Variants in KIR3DL3 observed in about 807,000 individuals in gnomAD.
The protein encoded by KIR3DL3 is killer cell immunoglobulin-like receptor 3DL3.
In KIR3DL3, 27 loss-of-function variants were observed where a neutral mutation model predicts 34.9. The ratio of observed to expected loss-of-function variants is 0.77; its 90% CI spans 0.57 to 1.07. KIR3DL3 has a LOEUF of 1.07. Ranked by LOEUF, KIR3DL3 falls within the 50% of genes least tolerant of loss-of-function variation. KIR3DL3 has a pLI of 0.00. For synonymous variants in KIR3DL3, 217 were observed against 200.2 expected, an observed-to-expected ratio of 1.08 and a Z score of -0.71; for missense variants, 681 against 528.5, an observed-to-expected ratio of 1.29 and a Z score of -2.83.
At chr19:54,732,295 G>A (rs1272344878) in intron 5 of KIR3DL3, among the ~76,000 whole-genome samples, 4 of 150,674 alleles carry the variant, frequency 2.7e-5, no homozygotes, top group African/African-American at 9.8e-5. Context: ...CTGTTCCACA[G>A]GCTGGAGTGC....
rs1386449102 is a variant in KIR3DL3 at position 54,727,558 on chromosome 19, T to C, written c.356-53T>C. 4.5e-6 allele frequency: 7 copies of C among 1,548,948 alleles called. No homozygotes were observed. The African/African-American group carries it at 8.4e-5, about 19-fold the overall frequency. On this transcript the variant is annotated intron_variant, in intron 3 of 7. Transcript: ENST00000291860. ...GAAGCCTCACTTATTTCAGGTCCCATGAATGGGATGAGAAAGGGAGACGCC... is the reference window on the plus strand; with the variant it reads ...GAAGCCTCACTTATTTCAGGTCCCACGAATGGGATGAGAAAGGGAGACGCC...
intron 5 of KIR3DL3, among the ~76,000 whole-genome samples, chr19:54,731,937 C>T (rs796356323): frequency 1.3e-5 from 2 of 152,132 alleles, no homozygotes; most frequent in East Asian, 1.9e-4. Flanking sequence ...AATCATCCAG[C>T]GTACCCTCTT....
At chr19:54,734,088 G>C (rs2146863481) in intron 5 of KIR3DL3, among the ~76,000 whole-genome samples, 1 of 152,206 alleles carries the variant, frequency 6.6e-6, no homozygotes, top group Admixed American at 6.5e-5. Flanking sequence ...TTTCATGGCT[G>C]TTTGATTTAA....
At chr19:54,726,951 C>T (rs2068249807) in intron 3 of KIR3DL3, among the ~76,000 whole-genome samples, 1 of 124,858 alleles carries the variant, frequency 8.0e-6, no homozygotes, top group East Asian at 2.2e-4. Flanking sequence ...TGACAATTTT[C>T]TCCAGCAGCA....
chr19:54,727,082 A>G (rs2093348683), intron 3 of KIR3DL3, among the ~76,000 whole-genome samples: 1 of 137,510 alleles, frequency 7.3e-6, no homozygotes, highest in African/African-American at 2.7e-5. Flanking sequence ...CTCGATCCAC[A>G]TAGGGAGGGG....
intron 5 of KIR3DL3, among the ~76,000 whole-genome samples, chr19:54,730,965 TC>T (rs1468060280): frequency 6.6e-6 from 1 of 152,152 alleles, no homozygotes; most frequent in Admixed American, 6.6e-5. Context: ...AATTGCTAGA[TC>T]CTCTGGAAGT....
chr19:54,732,724 G>A (rs1231769112), intron 5 of KIR3DL3, among the ~76,000 whole-genome samples: 1 of 149,632 alleles, frequency 6.7e-6, no homozygotes, highest in Admixed American at 6.7e-5. Flanking sequence ...AAGGCACAAA[G>A]GTGGAAACAT....
intron 5 of KIR3DL3, among the ~76,000 whole-genome samples, chr19:54,733,698 TG>T (rs2069091607): frequency 1.3e-5 from 2 of 152,198 alleles, no homozygotes; most frequent in African/African-American, 4.8e-5. Flanking sequence ...TGGGATCATA[TG>T]GAAAATGTGA....
At chr19:54,730,609 T>C (rs1230701045) in intron 5 of KIR3DL3, among the ~76,000 whole-genome samples, 2 of 152,000 alleles carry the variant, frequency 1.3e-5, no homozygotes, top group Admixed American at 1.3e-4. Flanking sequence ...ATTCTTTTTT[T>C]TTTACCCTCC....
At position 54,727,686 on chromosome 19, in the gene KIR3DL3, G is replaced by A. The variant is rs1473263348; in HGVS notation, c.431G>A (p.Cys144Tyr). The change falls in exon 4 of 8, where the codon TGT (cysteine) becomes TAT (tyrosine). Residue 144 changes from cysteine to tyrosine, a missense_variant. Coordinates refer to ENST00000291860, the MANE Select transcript of KIR3DL3 (RefSeq NM_153443.5). ...VKSGETVILQ[C>Y]WSDVRFERFL... ...TCAGGAGAGACGGTCATCCTGCAAT[G>A]TTGGTCAGATGTCAGGTTTGAGCGC... 1.9e-6 allele frequency: 3 copies of A among 1,612,760 alleles called. No individual in the cohort carries two copies. The highest frequency in any genetic ancestry group is 4.5e-5 in the East Asian group (2 of 44,674).
chr19:54,725,441 C>T (rs944913763), intron 2 of KIR3DL3, among the ~76,000 whole-genome samples, 159 bp downstream of exon 2: 6 of 152,076 alleles, frequency 3.9e-5, no homozygotes, highest in Admixed American at 1.3e-4. Flanking sequence ...GGGGAAGCTT[C>T]GCCACAGTTC....
chr19:54,732,059 G>C (rs1349177991), intron 5 of KIR3DL3, among the ~76,000 whole-genome samples: 5 of 152,088 alleles, frequency 3.3e-5, no homozygotes, highest in African/African-American at 1.2e-4. Flanking sequence ...CATTTTGGGG[G>C]TGGGGCAGCA....
At position 54,726,180 on chromosome 19, in the gene KIR3DL3, G is replaced by A; in HGVS notation, c.198G>A (p.Met66Ile). Residue 66 changes from methionine to isoleucine, a missense_variant, in exon 3 of 8, where the codon ATG becomes ATA. By Grantham distance (10) the Met-to-Ile change is conservative. Transcript: ENST00000291860. ...TCAGTCTGTCCAAAGAAGACGGGAT[G>A]CCTGTCCCTGAGCTCTACAACAGAA... The part of the protein sequence containing the change: ...NEFSLSKEDG[M>I]PVPELYNRIF... The A allele has an allele frequency of 6.2e-7, 1 of 1,613,590 alleles. No homozygotes were observed. Among genetic ancestry groups the A allele is most frequent in the Non-Finnish European group, 8.5e-7 (1 of 1,179,870 alleles).
chr19:54,734,181 G>A (rs2146865391), intron 5 of KIR3DL3, among the ~76,000 whole-genome samples: 1 of 151,586 alleles, frequency 6.6e-6, no homozygotes, highest in South Asian at 2.1e-4. Flanking sequence ...AGTCAAGAGG[G>A]TTGTGGTGGT....
At chr19:54,729,249 T>A (rs2068533194) in intron 4 of KIR3DL3, among the ~76,000 whole-genome samples, 1 of 149,946 alleles carries the variant, frequency 6.7e-6, no homozygotes, top group Non-Finnish European at 1.5e-5. Context: ...CCAAGGAGGG[T>A]CAGAGAGAAT....
chr19:54,733,823 A>G (rs892258668), intron 5 of KIR3DL3, among the ~76,000 whole-genome samples: 3 of 152,152 alleles, frequency 2.0e-5, no homozygotes, highest in Non-Finnish European at 4.4e-5. Flanking sequence ...CCAATCACCT[A>G]TGGAGATACA....
intron 5 of KIR3DL3, among the ~76,000 whole-genome samples, chr19:54,733,284 C>A (rs1231574240): frequency 6.6e-6 from 1 of 152,078 alleles, no homozygotes; most frequent in Non-Finnish European, 1.5e-5. Context: ...TGTAACCCAA[C>A]ACTTTGGGAG....
At chr19:54,727,112 C>G (rs2146768763) in intron 3 of KIR3DL3, among the ~76,000 whole-genome samples, 1 of 137,584 alleles carries the variant, frequency 7.3e-6, no homozygotes, top group Admixed American at 8.0e-5. Context: ...CTGGAACCAG[C>G]ACCAGGGGCC....
In KIR3DL3 at chr19:54,735,714, G is replaced by A. The variant is rs1345616137; in HGVS notation, c.1055-106G>A. 5 of 1,299,638 alleles carry A rather than the reference G, an allele frequency of 3.8e-6. No individual in the cohort carries two copies. The Admixed American group carries it at 5.6e-5, about 14-fold the overall frequency. The allele number at this position is 1,299,638 out of a possible 1,614,324, so 80.5% of individuals were successfully genotyped here. On this transcript the variant is annotated intron_variant, in intron 6 of 7. Coordinates refer to ENST00000291860, the MANE Select transcript of KIR3DL3 (RefSeq NM_153443.5). The stretch of plus-strand genomic sequence containing the variant: ...GTCTGAGTCTGCTGTTGGCAACTGA[G>A]GGACCTCAGGCACCTATGGCCTCCC...
Sources: gnomAD v4.1 joint callset for allele counts (sites outside exome capture counted in the v4.1 genomes callset) on GRCh38, gnomAD v4.1.1 for gene constraint, MANE v1.5 for transcripts, NCBI Gene and HGNC (gene_info 2026-07-23, HGNC 2026-07-21) for gene names.